The following RAE1 variants were observed in gnomAD, a reference collection of about 807,000 sequenced individuals.
RAE1 encodes the protein mRNA export factor RAE1.
A neutral mutation model predicts 52.7 loss-of-function variants in RAE1; 13 were observed. That is an observed-to-expected ratio of 0.25 (90% CI 0.16 to 0.39). The LOEUF (loss-of-function observed/expected upper bound fraction) is 0.39, where lower values mean the gene tolerates loss of function less well. Ranked by LOEUF, RAE1 falls within the 10% of genes least tolerant of loss-of-function variation. The pLI, the probability that RAE1 is intolerant of heterozygous loss-of-function variation, is 1.00. For synonymous variants in RAE1, 164 were observed against 153.1 expected (o/e 1.07, Z -0.52); for missense variants, 262 against 459.8 (o/e 0.57, Z 3.93).
chr20:57,360,024 A>G (rs566637815), intron 4 of RAE1: 1 of 152,338 alleles, frequency 6.6e-6, no homozygotes, highest in South Asian at 2.1e-4. Flanking sequence ...AATCTTCTGG[A>G]TGTAAGCCGG....
chr20:57,376,621 C>T (rs2067119683), intron 11 of RAE1, among the ~76,000 whole-genome samples: 1 of 152,312 alleles, frequency 6.6e-6, no homozygotes, highest in South Asian at 2.1e-4. Flanking sequence ...TTTGTTTATC[C>T]ATTCACCTGT....
intron 4 of RAE1, among the ~76,000 whole-genome samples, chr20:57,357,128 G>A (rs2066800263): frequency 6.6e-6 from 1 of 152,176 alleles, no homozygotes. Context: ...CAGGTTTATT[G>A]AGTCTGATTT....
chr20:57,351,460 C>T (rs1374926473), intron 1 of RAE1, 38 bp downstream of exon 1: 4 of 985,368 alleles, frequency 4.1e-6, no homozygotes, highest in Non-Finnish European at 4.8e-6. Context: ...CGTTAACCGC[C>T]GCCATGGCTC....
chr20:57,366,415 G>A (rs1240744597), intron 5 of RAE1, among the ~76,000 whole-genome samples: 2 of 152,176 alleles, frequency 1.3e-5, no homozygotes, highest in East Asian at 1.9e-4. Context: ...AATCCCAAGG[G>A]AGCAGGAGAT....
intron 4 of RAE1, among the ~76,000 whole-genome samples, chr20:57,356,768 A>C: frequency 6.6e-6 from 1 of 152,168 alleles, no homozygotes. Flanking sequence ...AGGAGAGTTT[A>C]ATGATTAAGG....
chr20:57,374,978 C>A, intron 11 of RAE1, 177 bp downstream of exon 11: 1 of 761,516 alleles, frequency 1.3e-6, no homozygotes, highest in Non-Finnish European at 2.3e-6. Context: ...TGTGGGGATT[C>A]AGTACAGCCT....
intron 4 of RAE1, among the ~76,000 whole-genome samples, chr20:57,362,396 T>A (rs2066902860): frequency 6.6e-6 from 1 of 152,222 alleles, no homozygotes; most frequent in Non-Finnish European, 1.5e-5. Flanking sequence ...AGTGAAGCAT[T>A]CATTTCATAT....
intron 11 of RAE1, chr20:57,375,151 T>C: frequency 1.6e-6 from 1 of 631,380 alleles, no homozygotes; most frequent in Non-Finnish European, 2.9e-6. Context: ...GGTTGCTTGG[T>C]TGGCTGGTGG....
intron 1 of RAE1, chr20:57,351,898 C>A (rs1460601012): frequency 3.0e-6 from 3 of 985,318 alleles, no homozygotes; most frequent in African/African-American, 1.7e-5. Context: ...TAGGTGCCAC[C>A]GTACAGGCAG....
At chr20:57,376,770 A>G (rs1052647203) in intron 11 of RAE1, among the ~76,000 whole-genome samples, 19 of 152,124 alleles carry the variant, frequency 1.2e-4, no homozygotes, top group African/African-American at 4.3e-4. Context: ...CTCTTTGCAT[A>G]CTCATCCCAG....
chr20:57,359,395 A>G (rs1030359191), intron 4 of RAE1: 3 of 165,948 alleles, frequency 1.8e-5, no homozygotes, highest in African/African-American at 7.1e-5. Context: ...CTATTAAGTA[A>G]TAGATTAGTC....
At chr20:57,358,661 A>G (rs376578903) in intron 4 of RAE1, 1 of 222,138 alleles carries the variant, frequency 4.5e-6, no homozygotes, top group Non-Finnish European at 8.8e-6. Context: ...AATAGCGGCT[A>G]CACCATTAGG....
In RAE1 at chr20:57,367,083, A is replaced by C; in HGVS notation, c.534+4A>C. The C allele has an allele frequency of 6.4e-7, 1 of 1,565,592 alleles. No individual in the cohort carries two copies. Among genetic ancestry groups the C allele is most frequent in the Non-Finnish European group, 8.8e-7 (1 of 1,142,716 alleles). On this transcript the variant is annotated splice_donor_region_variant and intron_variant, in intron 7 of 11. Transcript: ENST00000395841. ...AAGGTGTTACTGTGCTGACGTGGTA[A>C]GGGATTTCAACTTAATATGTATTTA...
chr20:57,374,920 C>G (rs927240149), intron 11 of RAE1, 119 bp downstream of exon 11: 1 of 1,109,158 alleles, frequency 9.0e-7, no homozygotes, highest in East Asian at 2.4e-5. Flanking sequence ...TTGGGCAGGT[C>G]ACCGTCCCCT....
intron 8 of RAE1, 134 bp from the exon 9 acceptor site, chr20:57,373,341 T>C: frequency 1.0e-5 from 8 of 765,190 alleles, no homozygotes; most frequent in Non-Finnish European, 1.5e-5. Context: ...CAATGCTTAC[T>C]GCTGTATCAT....
chr20:57,371,561 C>G (rs1173837906), intron 8 of RAE1: 2 of 152,196 alleles, frequency 1.3e-5, no homozygotes, highest in Non-Finnish European at 2.9e-5. Context: ...CCAAAGATAA[C>G]AAGCGCTGGG....
At chr20:57,352,794 G>A (rs144124262) in intron 1 of RAE1, among the ~76,000 whole-genome samples, 11 of 152,328 alleles carry the variant, frequency 7.2e-5, no homozygotes, top group African/African-American at 2.6e-4. Flanking sequence ...TCAAGGTTAA[G>A]TGACCCGTCC....
intron 4 of RAE1, among the ~76,000 whole-genome samples, chr20:57,361,568 A>G (rs547507682): frequency 4.6e-5 from 7 of 152,264 alleles, no homozygotes; most frequent in East Asian, 3.9e-4. Context: ...GTGAGCATCT[A>G]TTGATTAATT....
chr20:57,359,083 C>G lies in RAE1; in HGVS notation c.288+2545C>G, dbSNP rs1475532617. 8 of 1,401,168 alleles carry G rather than the reference C, an allele frequency of 5.7e-6. 1 individual carries two copies. Among genetic ancestry groups the G allele is most frequent in the Non-Finnish European group, 7.6e-6 (8 of 1,057,478 alleles). The allele number at this position is 1,401,168 out of a possible 1,614,324, so 86.8% of individuals were successfully genotyped here. ...AGAGAACAAGTGATTATGCTACCTT[C>G]GCACGGTCAGGATACCACAGCTGTT... On this transcript the variant is annotated intron_variant, in intron 4 of 11. Transcript: ENST00000395841.
Sources: gnomAD v4.1 joint callset for allele counts (sites outside exome capture counted in the v4.1 genomes callset) on GRCh38, gnomAD v4.1.1 for gene constraint, MANE v1.5 for transcripts, NCBI Gene and HGNC (gene_info 2026-07-23, HGNC 2026-07-21) for gene names.